The following HHAT variants were observed in gnomAD, a reference collection of about 807,000 sequenced individuals.
The protein encoded by HHAT is protein-cysteine N-palmitoyltransferase HHAT.
A neutral mutation model predicts 70.8 loss-of-function variants in HHAT; 47 were observed. The ratio of observed to expected loss-of-function variants is 0.66; its 90% CI spans 0.53 to 0.85. HHAT has a LOEUF of 0.85. Ranked by LOEUF, HHAT falls within the 40% of genes least tolerant of loss-of-function variation. The pLI, the probability that HHAT is intolerant of heterozygous loss-of-function variation, is 0.00. For missense variants in HHAT, 609 were observed against 604.8 expected (o/e 1.01, Z -0.07); for synonymous variants, 228 against 247.6 (o/e 0.92, Z 0.74).
At chr1:210,476,128 A>G (rs568739104) in intron 8 of HHAT, among the ~76,000 whole-genome samples, 1 of 152,220 alleles carries the variant, frequency 6.6e-6, no homozygotes. Flanking sequence ...TGTTAGACCA[A>G]GAAGAAAGGC....
chr1:210,483,685 A>C (rs948782447), intron 8 of HHAT, among the ~76,000 whole-genome samples: 1 of 152,232 alleles, frequency 6.6e-6, no homozygotes, highest in Admixed American at 6.5e-5. Context: ...TTTGTGAATG[A>C]ACTAGGGCCT....
chr1:210,558,819 G>A (rs2095596291), intron 9 of HHAT, among the ~76,000 whole-genome samples: 1 of 152,196 alleles, frequency 6.6e-6, no homozygotes, highest in South Asian at 2.1e-4. Context: ...GGGTCATGTG[G>A]CTGGGATGAT....
intron 11 of HHAT, among the ~76,000 whole-genome samples, chr1:210,664,709 G>T (rs1678514493): frequency 6.6e-6 from 1 of 152,060 alleles, no homozygotes; most frequent in African/African-American, 2.4e-5. Context: ...AGAGATGGTG[G>T]CAAGTGCAGG....
chr1:210,464,741 A>C, intron 8 of HHAT, 86 bp downstream of exon 8: 1 of 1,376,526 alleles, frequency 7.3e-7, no homozygotes, highest in Non-Finnish European at 1.0e-6. Flanking sequence ...TCGGGCTACT[A>C]TCCTCTCCCT....
intron 9 of HHAT, among the ~76,000 whole-genome samples, chr1:210,556,047 G>A (rs1448230357): frequency 1.3e-5 from 2 of 151,970 alleles, no homozygotes; most frequent in Non-Finnish European, 2.9e-5. Context: ...ATTTGAAAAA[G>A]TATTTTGTGA....
chr1:210,407,555 G>C (rs559984036), intron 6 of HHAT, among the ~76,000 whole-genome samples: 1 of 152,338 alleles, frequency 6.6e-6, no homozygotes, highest in African/African-American at 2.4e-5. Context: ...AAATGAGGGA[G>C]GTATAGAAGC....
rs770442814 is a variant in HHAT at position 210,464,603 on chromosome 1, C to T, written c.955C>T (p.Pro319Ser). Residue 319 changes from proline (P) to serine (S), a missense_variant, in exon 8 of 12, where the codon CCC becomes TCC. Transcript: ENST00000261458. ...CATGCGCCTGGATGGACTCACTCCA[C>T]CCGCCCTCCCCCGCTGCGTGAGCAC... Reference protein sequence around the residue: ...LLMRLDGLTPPALPRCVSTMF... With the variant: ...LLMRLDGLTPSALPRCVSTMF... 3 of 1,614,164 alleles carry T rather than the reference C, an allele frequency of 1.9e-6. No individual in the cohort carries two copies. Among genetic ancestry groups the T allele is most frequent in the Non-Finnish European group, 2.5e-6 (3 of 1,180,012 alleles).
intron 11 of HHAT, among the ~76,000 whole-genome samples, chr1:210,642,994 A>G (rs1232415816): frequency 6.6e-6 from 1 of 152,192 alleles, no homozygotes; most frequent in Non-Finnish European, 1.5e-5. Flanking sequence ...CCCTATTTAC[A>G]TCTACAATAT....
At chr1:210,576,915 AT>A (rs1657908091) in intron 9 of HHAT, among the ~76,000 whole-genome samples, 1 of 151,944 alleles carries the variant, frequency 6.6e-6, no homozygotes. Flanking sequence ...ATTCCTAAGT[AT>A]TTTATTCTTT....
chr1:210,391,351 T>C (rs1200697151), intron 4 of HHAT, among the ~76,000 whole-genome samples: 1 of 152,190 alleles, frequency 6.6e-6, no homozygotes, highest in Non-Finnish European at 1.5e-5. Flanking sequence ...ACATAGAATA[T>C]TGATGTTGGC....
chr1:210,611,292 A>T (rs1389203464), intron 10 of HHAT, among the ~76,000 whole-genome samples: 1 of 151,948 alleles, frequency 6.6e-6, no homozygotes, highest in Non-Finnish European at 1.5e-5. Flanking sequence ...GAGTTAATTC[A>T]TGATTTAGCC....
At chr1:210,370,119 CT>C (rs1010366553) in intron 3 of HHAT, among the ~76,000 whole-genome samples, 2 of 150,702 alleles carry the variant, frequency 1.3e-5, no homozygotes, top group African/African-American at 4.9e-5. Context: ...GAGCTAAACC[CT>C]TGATTCTACC....
At position 210,447,113 on chromosome 1, in the gene HHAT, T is replaced by G. The variant is rs78364112; in HGVS notation, c.857-17392T>G. On this transcript the variant is annotated intron_variant, in intron 7 of 11. Transcript: ENST00000261458. ...TGGGGTCTGAAGATCTGAGCTTTAG[T>G]CTTAACCCCATATCCACTAATTCTG... Among the ~76,000 whole-genome samples the G allele has an allele frequency of 6.8e-3, 1,038 of 152,316 alleles. 13 individuals are homozygous for G. The highest frequency in any genetic ancestry group is 0.024 in the African/African-American group (987 of 41,556).
At chr1:210,357,323 C>T (rs2087746332) in intron 2 of HHAT, among the ~76,000 whole-genome samples, 1 of 152,192 alleles carries the variant, frequency 6.6e-6, no homozygotes, top group South Asian at 2.1e-4. Flanking sequence ...CCTTTCTCCC[C>T]TGAAGCAGGT....
At chr1:210,562,686 G>A (rs540625185) in intron 9 of HHAT, among the ~76,000 whole-genome samples, 3,098 of 151,768 alleles carry the variant, frequency 0.02, 44 homozygotes, top group Middle Eastern at 0.061. Context: ...TTAAGTTTTA[G>A]AGTACATGTG....
At chr1:210,347,951 T>A (rs1457003700) in intron 1 of HHAT, among the ~76,000 whole-genome samples, 1 of 152,234 alleles carries the variant, frequency 6.6e-6, no homozygotes, top group Non-Finnish European at 1.5e-5. Flanking sequence ...AGTGTAGTGT[T>A]GGTGTCCAGA....
At chr1:210,542,183 T>G (rs1175760331) in intron 9 of HHAT, among the ~76,000 whole-genome samples, 1 of 152,190 alleles carries the variant, frequency 6.6e-6, no homozygotes, top group African/African-American at 2.4e-5. Flanking sequence ...GACGACAACC[T>G]ACGTATCCTT....
At chr1:210,489,634 G>A (rs748322082) in intron 8 of HHAT, among the ~76,000 whole-genome samples, 3 of 152,150 alleles carry the variant, frequency 2.0e-5, no homozygotes, top group East Asian at 3.9e-4. Context: ...ACTGGCATTT[G>A]GTGTTGTCCT....
At chr1:210,493,276 ATATT>A (rs10556114) in intron 8 of HHAT, among the ~76,000 whole-genome samples, 1,859 of 152,152 alleles carry the variant, frequency 0.012, 38 homozygotes, top group African/African-American at 0.042. Context: ...ATATTTATAT[ATATT>A]TATTCATTTT....
Sources: gnomAD v4.1 joint callset for allele counts (sites outside exome capture counted in the v4.1 genomes callset) on GRCh38, gnomAD v4.1.1 for gene constraint, MANE v1.5 for transcripts, NCBI Gene and HGNC (gene_info 2026-07-23, HGNC 2026-07-21) for gene names.